The following SLC24A2 variants were observed in gnomAD, a reference collection of about 807,000 sequenced individuals.
SLC24A2 encodes the protein solute carrier family 24 member 2, also known as sodium/potassium/calcium exchanger 2.
In SLC24A2, 36 loss-of-function variants were observed where a neutral mutation model predicts 62.0. The observed-to-expected ratio is 0.58, with a 90% CI of 0.44 to 0.77. The LOEUF (loss-of-function observed/expected upper bound fraction) is 0.77. SLC24A2 is among the 30% of genes least tolerant of loss of function. The pLI is 0.00. For missense variants in SLC24A2, 846 were observed against 817.9 expected, an observed-to-expected ratio of 1.03 and a Z score of -0.42; for synonymous variants, 358 against 294.0, an observed-to-expected ratio of 1.22 and a Z score of -2.23.
At chr9:19,552,313 G>GTGAAT (rs1374041722) in intron 7 of SLC24A2, among the ~76,000 whole-genome samples, 2 of 152,144 alleles carry the variant, frequency 1.3e-5, no homozygotes, top group African/African-American at 4.8e-5. Context: ...AGCTAGCTAC[G>GTGAAT]TGAATAATCT....
the SLC24A2 span, among the ~76,000 whole-genome samples, chr9:20,276,631 C>T: frequency 2.0e-5 from 3 of 152,180 alleles, no homozygotes; most frequent in Admixed American, 2.0e-4. Flanking sequence ...TGTGTAGGGG[C>T]TCCCCCTTCA....
the SLC24A2 span, among the ~76,000 whole-genome samples, chr9:20,222,181 A>G: frequency 3.3e-5 from 5 of 152,010 alleles, no homozygotes; most frequent in South Asian, 8.3e-4. Flanking sequence ...TGTAAGAGTG[A>G]CAACTAAAAT....
the SLC24A2 span, among the ~76,000 whole-genome samples, chr9:20,019,205 AAGAAAGAAAGAAAGAC>A: frequency 1.0e-3 from 145 of 139,218 alleles, 1 homozygote; most frequent in Admixed American, 5.2e-3. Context: ...AAAGAAGGAA[AAGAAAGAAAGAAAGAC>A]AGAAAGAAAG....
At chr9:19,933,513 A>G in the SLC24A2 span, among the ~76,000 whole-genome samples, 4 of 152,114 alleles carry the variant, frequency 2.6e-5, no homozygotes, top group South Asian at 6.2e-4. Flanking sequence ...TCATTCATCT[A>G]CTTGTCAAAG....
Position 19,743,750 on chromosome 9 carries a change from G to A in SLC24A2, c.930+42187C>T, listed in dbSNP as rs139794768. On this transcript the variant is annotated intron_variant, in intron 2 of 10. Coordinates refer to ENST00000341998, the MANE Select transcript of SLC24A2 (RefSeq NM_020344.4). ...GGTCCTAGGGTTCTGTTTATCCTGA[G>A]GCACACTACTGCCTCTCCCAATTCA... Among the ~76,000 whole-genome samples, 786 of 152,118 alleles carry A rather than the reference G, an allele frequency of 5.2e-3. 9 individuals carry two copies. The highest frequency in any genetic ancestry group is 0.018 in the African/African-American group (731 of 41,498).
At chr9:19,584,273 T>TAAAAAAAAAAAAAA (rs5896848) in intron 5 of SLC24A2, among the ~76,000 whole-genome samples, 9 of 119,926 alleles carry the variant, frequency 7.5e-5, no homozygotes, top group Non-Finnish European at 1.2e-4. Flanking sequence ...TAGCAAATAG[T>TAAAAAAAAAAAAAA]AAAAAAAAAA....
chr9:19,885,228 T>C, the SLC24A2 span, among the ~76,000 whole-genome samples: 15 of 152,200 alleles, frequency 9.9e-5, 1 homozygote, highest in African/African-American at 3.6e-4. Flanking sequence ...GACCCATCAC[T>C]GTGGCCAGAT....
chr9:19,547,467 T>A (rs561546218), intron 8 of SLC24A2, among the ~76,000 whole-genome samples: 1 of 152,342 alleles, frequency 6.6e-6, no homozygotes, highest in East Asian at 1.9e-4. Context: ...TGATTTTTGT[T>A]GGTTTTCCAA....
the SLC24A2 span, among the ~76,000 whole-genome samples, chr9:20,273,489 T>C: frequency 1.3e-5 from 2 of 152,198 alleles, no homozygotes; most frequent in Non-Finnish European, 2.9e-5. Flanking sequence ...GATTGAATCA[T>C]GGAGGCGAGT....
At chr9:19,851,027 A>ATTT in the SLC24A2 span, among the ~76,000 whole-genome samples, 135 of 55,248 alleles carry the variant, frequency 2.4e-3, 3 homozygotes, top group African/African-American at 9.8e-3. Flanking sequence ...ATATATACAT[A>ATTT]TTTTTTTTTT....
At chr9:19,925,143 A>C in the SLC24A2 span, among the ~76,000 whole-genome samples, 28 of 152,350 alleles carry the variant, frequency 1.8e-4, no homozygotes, top group Middle Eastern at 3.4e-3. Context: ...AGACCTGCAC[A>C]GATGTGCTGT....
the SLC24A2 span, among the ~76,000 whole-genome samples, chr9:20,235,731 C>T: frequency 1.3e-5 from 2 of 152,176 alleles, no homozygotes; most frequent in African/African-American, 2.4e-5. Context: ...GTACTGCACC[C>T]ACTGTCCTGC....
the SLC24A2 span, among the ~76,000 whole-genome samples, chr9:20,210,661 T>G: frequency 3.3e-5 from 4 of 120,686 alleles, no homozygotes; most frequent in South Asian, 2.7e-4. Context: ...TTTTTTTTTT[T>G]TTTTTTTTTT....
intron 2 of SLC24A2, among the ~76,000 whole-genome samples, chr9:19,684,087 C>A (rs1018554134): frequency 6.6e-6 from 1 of 152,166 alleles, no homozygotes; most frequent in African/African-American, 2.4e-5. Flanking sequence ...ACACAGGGTG[C>A]TCTAGGGGAC....
chr9:19,874,942 A>C, the SLC24A2 span, among the ~76,000 whole-genome samples: 1 of 149,698 alleles, frequency 6.7e-6, no homozygotes. Context: ...CTAGCTTCAG[A>C]GAGTTAGCTT....
the SLC24A2 span, among the ~76,000 whole-genome samples, chr9:20,197,782 C>A: frequency 6.6e-6 from 1 of 151,976 alleles, no homozygotes; most frequent in African/African-American, 2.4e-5. Context: ...TCAGTGAGGA[C>A]ATAAACAAAC....
chr9:19,548,201 G>C (rs1264568600), intron 8 of SLC24A2, among the ~76,000 whole-genome samples: 1 of 151,800 alleles, frequency 6.6e-6, no homozygotes, highest in Non-Finnish European at 1.5e-5. Flanking sequence ...AGCTCTTGAA[G>C]ACTTATGATA....
chr9:20,293,148 T>A, the SLC24A2 span, among the ~76,000 whole-genome samples: 1 of 152,226 alleles, frequency 6.6e-6, no homozygotes. Flanking sequence ...CCAGTCCTAC[T>A]CTTGTATAAA....
intron 2 of SLC24A2, among the ~76,000 whole-genome samples, chr9:19,706,304 T>A (rs902208473): frequency 1.3e-5 from 2 of 152,092 alleles, no homozygotes; most frequent in Non-Finnish European, 2.9e-5. Flanking sequence ...TTCTCCATCC[T>A]TTTATATTGA....
Sources: gnomAD v4.1 joint callset for allele counts (sites outside exome capture counted in the v4.1 genomes callset) on GRCh38, gnomAD v4.1.1 for gene constraint, MANE v1.5 for transcripts, NCBI Gene and HGNC (gene_info 2026-07-23, HGNC 2026-07-21) for gene names.